ADK: variants seen among roughly 807,000 people sequenced by gnomAD.
ADK encodes the protein adenosine kinase.
ADK carries 24 observed loss-of-function variants against 44.7 expected under a neutral mutation model. The observed-to-expected ratio is 0.54, with a 90% CI of 0.39 to 0.76. The LOEUF is 0.76. Ranked by LOEUF, ADK falls within the 30% of genes least tolerant of loss-of-function variation. The probability of loss-of-function intolerance (pLI) is 0.00; values close to 1 mark genes in which losing one functional copy is unlikely to be tolerated. For synonymous variants in ADK, 128 were observed against 142.6 expected, an observed-to-expected ratio of 0.90 and a Z score of 0.73; for missense variants, 321 against 425.1, an observed-to-expected ratio of 0.76 and a Z score of 2.15.
At chr10:74,614,444 CA>C (rs1193002446) in intron 9 of ADK, among the ~76,000 whole-genome samples, 2 of 152,042 alleles carry the variant, frequency 1.3e-5, no homozygotes, top group South Asian at 2.1e-4. Context: ...AATGTGCATA[CA>C]AAATTGATAC....
chr10:74,516,259 C>T (rs560820924), intron 6 of ADK, among the ~76,000 whole-genome samples: 5 of 152,214 alleles, frequency 3.3e-5, no homozygotes, highest in African/African-American at 9.6e-5. Context: ...AATTCCCTCC[C>T]GTCTCCAGGC....
At chr10:74,654,279 G>A (rs896823269) in intron 9 of ADK, among the ~76,000 whole-genome samples, 5 of 152,158 alleles carry the variant, frequency 3.3e-5, no homozygotes, top group South Asian at 2.1e-4. Context: ...GGACCAGGCC[G>A]CTAAAAAGAA....
At chr10:74,482,879 G>A (rs1847125197) in intron 6 of ADK, among the ~76,000 whole-genome samples, 1 of 152,168 alleles carries the variant, frequency 6.6e-6, no homozygotes. Context: ...TGCGTCTGTT[G>A]CTCTGCAGGG....
intron 4 of ADK, chr10:74,371,665 A>G: frequency 9.7e-7 from 1 of 1,032,896 alleles, no homozygotes; most frequent in Non-Finnish European, 1.5e-6. Flanking sequence ...AGGAAAAGTG[A>G]TGGCATCCAC....
chr10:74,290,103 C>T (rs1847352892), intron 3 of ADK, among the ~76,000 whole-genome samples: 1 of 144,908 alleles, frequency 6.9e-6, no homozygotes, highest in Non-Finnish European at 1.5e-5. Context: ...CACACACACT[C>T]ACACACACTC....
At chr10:74,279,578 C>G (rs953788286) in intron 3 of ADK, among the ~76,000 whole-genome samples, 1 of 100,594 alleles carries the variant, frequency 9.9e-6, no homozygotes, top group Non-Finnish European at 2.1e-5. Flanking sequence ...GACTTCATCT[C>G]AAAAAAAAAA....
intron 6 of ADK, among the ~76,000 whole-genome samples, chr10:74,482,819 T>G (rs1427975325): frequency 6.6e-6 from 1 of 152,244 alleles, no homozygotes; most frequent in Non-Finnish European, 1.5e-5. Flanking sequence ...ATGTCTCACA[T>G]TCAAGCCACA....
intron 3 of ADK, among the ~76,000 whole-genome samples, chr10:74,231,987 T>C (rs1844784079): frequency 6.6e-6 from 1 of 151,684 alleles, no homozygotes; most frequent in South Asian, 2.1e-4. Flanking sequence ...TTTACTGATA[T>C]GGTCAGGTGG....
At chr10:74,635,705 C>T (rs1469601389) in intron 9 of ADK, among the ~76,000 whole-genome samples, 1 of 151,568 alleles carries the variant, frequency 6.6e-6, no homozygotes, top group Non-Finnish European at 1.5e-5. Context: ...ATGTTCAGAA[C>T]TCTCTATTTA....
At chr10:74,627,075 G>C (rs1379693205) in intron 9 of ADK, among the ~76,000 whole-genome samples, 3 of 152,048 alleles carry the variant, frequency 2.0e-5, no homozygotes, top group Non-Finnish European at 4.4e-5. Flanking sequence ...TTTTGCAGTT[G>C]ACTATTCAGG....
chr10:74,535,569 G>A (rs140699990), intron 7 of ADK, among the ~76,000 whole-genome samples: 1 of 150,426 alleles, frequency 6.6e-6, no homozygotes, highest in African/African-American at 2.5e-5. Context: ...ATGCTCAAAG[G>A]TTTTGACCCT....
intron 2 of ADK, among the ~76,000 whole-genome samples, chr10:74,218,714 C>T (rs1368759590): frequency 6.6e-6 from 1 of 152,164 alleles, no homozygotes. Flanking sequence ...GGCCAATATT[C>T]AACATTCTTA....
intron 9 of ADK, among the ~76,000 whole-genome samples, chr10:74,665,629 G>C (rs1854917559): frequency 1.3e-5 from 2 of 152,070 alleles, no homozygotes; most frequent in African/African-American, 4.8e-5. Context: ...TAGCTGCTCA[G>C]GAGGCTGAGG....
At chr10:74,175,695 G>T (rs1236409761) in intron 1 of ADK, among the ~76,000 whole-genome samples, 1 of 152,140 alleles carries the variant, frequency 6.6e-6, no homozygotes, top group Non-Finnish European at 1.5e-5. Context: ...GGAGGCCAAG[G>T]TGGGAGGGTT....
At chr10:74,287,531 A>C (rs2132466836) in intron 3 of ADK, among the ~76,000 whole-genome samples, 1 of 152,022 alleles carries the variant, frequency 6.6e-6, no homozygotes, top group South Asian at 2.1e-4. Context: ...ACGTTAATGG[A>C]CTGGCCAGAA....
At chr10:74,249,399 A>G (rs966884809) in intron 3 of ADK, among the ~76,000 whole-genome samples, 12 of 152,084 alleles carry the variant, frequency 7.9e-5, no homozygotes, top group African/African-American at 2.9e-4. Context: ...CACTGTGTCT[A>G]TGCTTCTATT....
At chr10:74,611,372 T>A (rs1589296240) in intron 9 of ADK, among the ~76,000 whole-genome samples, 1 of 152,240 alleles carries the variant, frequency 6.6e-6, no homozygotes, top group East Asian at 1.9e-4. Flanking sequence ...GAATTCTTAT[T>A]TGAATTGTAA....
intron 7 of ADK, among the ~76,000 whole-genome samples, chr10:74,541,450 C>A (rs1250088858): frequency 2.6e-5 from 4 of 152,048 alleles, no homozygotes; most frequent in African/African-American, 9.7e-5. Context: ...TACCACATTT[C>A]CTTCGTCTCT....
intron 9 of ADK, among the ~76,000 whole-genome samples, chr10:74,623,592 C>T (rs1162624795): frequency 1.3e-5 from 2 of 151,784 alleles, no homozygotes; most frequent in South Asian, 2.1e-4. Context: ...TAGAATTGTG[C>T]GTGCATATCT....
Sources: gnomAD v4.1 joint callset for allele counts (sites outside exome capture counted in the v4.1 genomes callset) on GRCh38, gnomAD v4.1.1 for gene constraint, MANE v1.5 for transcripts, NCBI Gene and HGNC (gene_info 2026-07-23, HGNC 2026-07-21) for gene names.